Variants in MAPK14 observed in about 807,000 individuals in gnomAD.
MAPK14 encodes the protein mitogen-activated protein kinase 14.
In MAPK14, 16 loss-of-function variants were observed where a neutral mutation model predicts 49.6. The ratio of observed to expected loss-of-function variants is 0.32; its 90% CI spans 0.22 to 0.49. The LOEUF (loss-of-function observed/expected upper bound fraction) is 0.49, where lower values mean the gene tolerates loss of function less well. Among genes scored for constraint, MAPK14 ranks in the 20% least tolerant of loss-of-function variants. MAPK14 has a pLI of 0.99. For synonymous variants in MAPK14, 142 were observed against 158.0 expected (o/e 0.90, Z 0.76); for missense variants, 200 against 441.2 (o/e 0.45, Z 4.90).
At chr6:36,115,712 G>A (rs962315173), downstream of MAPK14, among the ~76,000 whole-genome samples, 4 of 151,976 alleles carry the variant, frequency 2.6e-5, no homozygotes, top group Admixed American at 6.6e-5. Context: ...TGGATCACTC[G>A]CCATCCTGGC....
the MAPK14 span, among the ~76,000 whole-genome samples, chr6:36,121,515 A>G: frequency 1.3e-5 from 2 of 152,136 alleles, no homozygotes; most frequent in Non-Finnish European, 2.9e-5. Context: ...AGTGAAGACC[A>G]GGCCTGAGAA....
intron 3 of MAPK14, among the ~76,000 whole-genome samples, chr6:36,070,316 A>C (rs1351153951): frequency 6.6e-6 from 1 of 152,208 alleles, no homozygotes; most frequent in African/African-American, 2.4e-5. Context: ...GGGGTCAGTT[A>C]GTTTTAGATC....
chr6:36,058,016 G>T (rs1763653181), intron 2 of MAPK14, among the ~76,000 whole-genome samples: 1 of 152,182 alleles, frequency 6.6e-6, no homozygotes. Context: ...GGTAGGGGTT[G>T]GAGGGTGCTG....
chr6:36,051,118 A>AT (rs111807142), intron 1 of MAPK14, among the ~76,000 whole-genome samples: 13,564 of 142,644 alleles, frequency 0.095, 745 homozygotes, highest in Non-Finnish European at 0.12. Flanking sequence ...TGTTATTACT[A>AT]TTTTTTTTTT....
At chr6:36,089,983 G>T (rs899425167) in intron 8 of MAPK14, among the ~76,000 whole-genome samples, 2 of 152,134 alleles carry the variant, frequency 1.3e-5, no homozygotes, top group African/African-American at 4.8e-5. Flanking sequence ...ATAATCAAGT[G>T]AATTTCCTTA....
chr6:36,040,870 C>T (rs1762936126), intron 1 of MAPK14, among the ~76,000 whole-genome samples: 2 of 152,050 alleles, frequency 1.3e-5, no homozygotes, highest in Non-Finnish European at 2.9e-5. Context: ...TTTAGAAGAC[C>T]ACAAAGAGAG....
chr6:36,092,482 G>A (rs1196353693), intron 8 of MAPK14: 5 of 600,698 alleles, frequency 8.3e-6, no homozygotes, highest in African/African-American at 7.5e-5. Context: ...TCACCAGTCT[G>A]TTCTTTCCTG....
intron 10 of MAPK14, among the ~76,000 whole-genome samples, chr6:36,105,228 A>C (rs892289685): frequency 6.6e-6 from 1 of 152,040 alleles, no homozygotes; most frequent in Non-Finnish European, 1.5e-5. Flanking sequence ...ATGTTAGTGT[A>C]TGTATTTATC....
At chr6:36,045,531 G>A (rs941580238) in intron 1 of MAPK14, among the ~76,000 whole-genome samples, 16 of 152,208 alleles carry the variant, frequency 1.1e-4, no homozygotes, top group Admixed American at 5.9e-4. Context: ...ACCTCTGGCC[G>A]GGTGTGGTGG....
At chr6:36,059,209 A>G (rs901161796) in intron 2 of MAPK14, 80 bp from the exon 3 acceptor site, 23 of 927,090 alleles carry the variant, frequency 2.5e-5, no homozygotes, top group Non-Finnish European at 3.8e-5. Context: ...ACTCTTTAAA[A>G]AAAAAGAAGA....
intron 8 of MAPK14, among the ~76,000 whole-genome samples, chr6:36,083,353 C>A (rs1355328262): frequency 6.6e-6 from 1 of 152,220 alleles, no homozygotes; most frequent in African/African-American, 2.4e-5. Flanking sequence ...TTCAGGAGAT[C>A]CCCCTCATGA....
intron 1 of MAPK14, among the ~76,000 whole-genome samples, chr6:36,051,771 G>A (rs1184866065): frequency 1.3e-5 from 2 of 152,216 alleles, no homozygotes; most frequent in African/African-American, 4.8e-5. Context: ...AATGATAATA[G>A]TACTTATTTC....
intron 3 of MAPK14, among the ~76,000 whole-genome samples, chr6:36,063,505 A>T (rs368153450): frequency 6.6e-6 from 1 of 152,138 alleles, no homozygotes; most frequent in East Asian, 1.9e-4. Flanking sequence ...TGAGAGGATC[A>T]TTTGAGCCCA....
At chr6:36,083,341 G>A (rs906337154) in intron 8 of MAPK14, among the ~76,000 whole-genome samples, 2 of 152,234 alleles carry the variant, frequency 1.3e-5, no homozygotes, top group Non-Finnish European at 2.9e-5. Context: ...TGCAACCTGT[G>A]ATTCAGGAGA....
intron 9 of MAPK14, chr6:36,100,240 T>G: frequency 6.2e-7 from 1 of 1,613,904 alleles, no homozygotes; most frequent in Non-Finnish European, 8.5e-7. Context: ...CCCCCGCTTA[T>G]CTCATTAACA....
chr6:36,124,057 A>C, the MAPK14 span, among the ~76,000 whole-genome samples: 3 of 135,988 alleles, frequency 2.2e-5, no homozygotes, highest in Non-Finnish European at 4.7e-5. Flanking sequence ...GAGGTGGAGG[A>C]GGTGCAGGGG....
chr6:36,121,238 G>A, the MAPK14 span, among the ~76,000 whole-genome samples: 1 of 152,196 alleles, frequency 6.6e-6, no homozygotes. Context: ...TGTCCGGATG[G>A]GGGCAAGCCT....
rs1159763497 is a variant in MAPK14 at position 36,030,382 on chromosome 6, A to G, written c.116+2109A>G. Among the ~76,000 whole-genome samples the G allele has an allele frequency of 2.0e-5, 3 of 152,310 alleles. No individual in the cohort carries two copies. In the East Asian group the frequency reaches 5.8e-4, roughly 29 times the overall value. On this transcript the variant is annotated intron_variant, in intron 1 of 11. Transcript: ENST00000229794. ...ATACATTGACATTGTATAAAATTTG[A>G]AAGTTTTACAAAGGTACTCAGTGGG...
chr6:36,086,419 G>A (rs180977406), intron 8 of MAPK14, among the ~76,000 whole-genome samples: 9 of 152,166 alleles, frequency 5.9e-5, no homozygotes, highest in African/African-American at 1.9e-4. Context: ...CCTAGCTAGA[G>A]TAATGAAGAA....
Sources: gnomAD v4.1 joint callset for allele counts (sites outside exome capture counted in the v4.1 genomes callset) on GRCh38, gnomAD v4.1.1 for gene constraint, MANE v1.5 for transcripts, NCBI Gene and HGNC (gene_info 2026-07-23, HGNC 2026-07-21) for gene names.